Variants in CUX1 observed in about 807,000 individuals in gnomAD.
CUX1 encodes the protein cut like homeobox 1.
In CUX1, 31 loss-of-function variants were observed where a neutral mutation model predicts 158.8. The ratio of observed to expected loss-of-function variants is 0.20; its 90% CI spans 0.15 to 0.26. The LOEUF is 0.26. Ranked by LOEUF, CUX1 falls within the 10% of genes least tolerant of loss-of-function variation. The pLI is 1.00. For missense variants in CUX1, 1,589 were observed against 2,014.6 expected, an observed-to-expected ratio of 0.79 and a Z score of 4.04; for synonymous variants, 879 against 862.1, an observed-to-expected ratio of 1.02 and a Z score of -0.34.
chr7:102,007,440 C>G (rs903259443), intron 2 of CUX1, among the ~76,000 whole-genome samples: 5 of 151,980 alleles, frequency 3.3e-5, no homozygotes, highest in Non-Finnish European at 7.4e-5. Flanking sequence ...TCCTCACCTC[C>G]CACCCTCCGC....
At chr7:102,242,655 A>C (rs1232593350) in intron 23 of CUX1, among the ~76,000 whole-genome samples, 2 of 152,206 alleles carry the variant, frequency 1.3e-5, no homozygotes, top group African/African-American at 4.8e-5. Flanking sequence ...AGATGCTACC[A>C]ATTATACAAA....
intron 1 of CUX1, among the ~76,000 whole-genome samples, chr7:101,884,557 A>G (rs960713022): frequency 4.6e-5 from 7 of 152,166 alleles, no homozygotes; most frequent in African/African-American, 1.2e-4. Flanking sequence ...TGCTCTCCAC[A>G]CCTTCCCAGA....
chr7:102,218,452 G>A (rs1261140782), intron 20 of CUX1, among the ~76,000 whole-genome samples: 3 of 152,222 alleles, frequency 2.0e-5, no homozygotes, highest in African/African-American at 7.2e-5. Context: ...GGGAGGCCGA[G>A]GCAGGAGAAT....
At chr7:101,866,553 G>C (rs982902266) in intron 1 of CUX1, among the ~76,000 whole-genome samples, 2 of 152,040 alleles carry the variant, frequency 1.3e-5, no homozygotes. Context: ...GATCACTTGA[G>C]CACAGGAGTT....
Position 102,251,480 on chromosome 7 carries a change from A to T in CUX1, c.*2438A>T. 3 of 985,430 alleles carry T rather than the reference A, an allele frequency of 3.0e-6. No individual in the cohort carries two copies. The South Asian group carries it at 1.4e-4, about 46-fold the overall frequency. The allele number at this position is 985,430 out of a possible 1,614,324, so 61.0% of individuals were successfully genotyped here. On this transcript the variant is annotated 3_prime_UTR_variant, in exon 24 of 24. Transcript: ENST00000292535. ...AAGACAATGCCTTTTCATGAATAAG[A>T]AGTTTTCAGAAGGCTCTAGGGGGCT...
intron 20 of CUX1, among the ~76,000 whole-genome samples, chr7:102,216,981 T>C (rs1797294349): frequency 6.6e-6 from 1 of 152,228 alleles, no homozygotes; most frequent in African/African-American, 2.4e-5. Context: ...CTTAGTAATA[T>C]ATATTTAGAC....
At position 102,243,679 on chromosome 7, in the gene CUX1, A is replaced by ATAAT. The variant is rs1554535722; in HGVS notation, c.3887+4095_3887+4096insTAAT. Among the ~76,000 whole-genome samples, 50 of 144,160 alleles carry ATAAT rather than the reference A, an allele frequency of 3.5e-4. No individual in the cohort carries two copies. In the East Asian group the frequency reaches 8.3e-3, roughly 24 times the overall value. The allele number at this position is 144,160 out of a possible 152,430, so 94.6% of individuals were successfully genotyped here. On this transcript the variant is annotated intron_variant, in intron 23 of 23. Transcript: ENST00000292535. ...AATAATAATAATAATAATAATAATA[A>ATAAT]AATAAATGAAGGAGAAGTGAGCATT...
chr7:102,152,147 G>C (rs1210904589), intron 8 of CUX1, among the ~76,000 whole-genome samples: 1 of 152,142 alleles, frequency 6.6e-6, no homozygotes, highest in Admixed American at 6.5e-5. Context: ...TTTAAGACCA[G>C]CTTGGGAAGC....
intron 13 of CUX1, among the ~76,000 whole-genome samples, chr7:102,194,612 G>A (rs797033476): frequency 2.7e-5 from 4 of 150,044 alleles, no homozygotes; most frequent in African/African-American, 7.3e-5. Context: ...TTTTTTAATT[G>A]CATTAAAGAG....
intron 2 of CUX1, among the ~76,000 whole-genome samples, chr7:101,996,195 C>T (rs924361737): frequency 5.3e-5 from 8 of 152,018 alleles, no homozygotes; most frequent in Non-Finnish European, 1.0e-4. Context: ...GGAGAGAGAA[C>T]ATCTTACCCC....
chr7:102,094,353 A>G (rs1345220081), intron 4 of CUX1, among the ~76,000 whole-genome samples: 11 of 152,226 alleles, frequency 7.2e-5, no homozygotes, highest in African/African-American at 2.7e-4. Context: ...CTACATAGGC[A>G]TTAACCTTTA....
intron 3 of CUX1, among the ~76,000 whole-genome samples, chr7:102,029,345 GACAGGAGAGATATGGCCGTGAGAT>G (rs1054184407): frequency 2.2e-4 from 34 of 152,086 alleles, no homozygotes; most frequent in Non-Finnish European, 4.3e-4. Flanking sequence ...TGGGGGAAGG[GACAGGAGAGATATGGCCGTGAGAT>G]ACAGGAGAGA....
downstream of CUX1, among the ~76,000 whole-genome samples, chr7:102,259,181 C>A (rs1280306114): frequency 6.6e-6 from 1 of 152,242 alleles, no homozygotes; most frequent in Non-Finnish European, 1.5e-5. Context: ...GAGACACCCC[C>A]CAGTGCCAGG....
At chr7:102,168,937 TC>T (rs200750020) in intron 9 of CUX1, among the ~76,000 whole-genome samples, 5,068 of 74,802 alleles carry the variant, frequency 0.068, 228 homozygotes, top group African/African-American at 0.14. Context: ...TCTTTTATTT[TC>T]TTTTTTTTTT....
chr7:101,926,553 A>G (rs1169745778), intron 2 of CUX1, among the ~76,000 whole-genome samples: 1 of 152,164 alleles, frequency 6.6e-6, no homozygotes, highest in Non-Finnish European at 1.5e-5. Flanking sequence ...CTCCAACAGC[A>G]TTAATAGTAT....
At chr7:101,874,280 C>T (rs1367349476) in intron 1 of CUX1, among the ~76,000 whole-genome samples, 2 of 152,316 alleles carry the variant, frequency 1.3e-5, no homozygotes, top group Non-Finnish European at 1.5e-5. Flanking sequence ...TCCTTGGTGT[C>T]TCTCTCTGAG....
Position 102,111,722 on chromosome 7 carries a change from C to T in CUX1, c.555C>T (p.Ser185=). The change falls in exon 7 of 24, where the codon TCC becomes TCT. Residue 185 remains serine, a synonymous_variant. Coordinates refer to ENST00000292535, the MANE Select transcript of CUX1 (RefSeq NM_181552.4). ...GAAAGCTGCAGGAGACACAGATGTC[C>T]ACCACCTCAAAGCTGGAGGAAGCTG... is the stretch of plus-strand genomic sequence containing the variant. ...KERKLQETQM[S]TTSKLEEAEH... 7 of 1,614,196 alleles carry T rather than the reference C, an allele frequency of 4.3e-6. No individual in the cohort carries two copies. Among genetic ancestry groups the T allele is most frequent in the Non-Finnish European group, 5.9e-6 (7 of 1,180,018 alleles).
intron 4 of CUX1, among the ~76,000 whole-genome samples, chr7:102,086,613 G>A (rs1012557164): frequency 1.3e-5 from 2 of 150,262 alleles, no homozygotes; most frequent in African/African-American, 2.5e-5. Flanking sequence ...GGCTTTTTTC[G>A]TTGTTTTTTT....
At chr7:101,966,374 C>T (rs893514353) in intron 2 of CUX1, among the ~76,000 whole-genome samples, 50 of 150,550 alleles carry the variant, frequency 3.3e-4, no homozygotes, top group African/African-American at 1.2e-3. Context: ...GATCAAATGA[C>T]TTGATATCTG....
Sources: gnomAD v4.1 joint callset for allele counts (sites outside exome capture counted in the v4.1 genomes callset) on GRCh38, gnomAD v4.1.1 for gene constraint, MANE v1.5 for transcripts, NCBI Gene and HGNC (gene_info 2026-07-23, HGNC 2026-07-21) for gene names.